The following BMPR1B variants were observed in gnomAD, a reference collection of about 807,000 sequenced individuals.
BMPR1B encodes bone morphogenetic protein receptor type-1B.
Under a neutral mutation model 59.1 loss-of-function variants are expected in BMPR1B, and 12 were observed. The observed-to-expected ratio is 0.20, with a 90% CI of 0.13 to 0.33. The LOEUF is 0.33. Ranked by LOEUF, BMPR1B falls within the 10% of genes least tolerant of loss-of-function variation. The pLI is 1.00. For missense variants in BMPR1B, 550 were observed against 610.9 expected, an observed-to-expected ratio of 0.90 and a Z score of 1.05; for synonymous variants, 237 against 207.3, an observed-to-expected ratio of 1.14 and a Z score of -1.23.
chr4:95,017,606 G>T (rs1723670386), intron 3 of BMPR1B, among the ~76,000 whole-genome samples: 1 of 152,136 alleles, frequency 6.6e-6, no homozygotes, highest in South Asian at 2.1e-4. Context: ...ATGAATCTTG[G>T]CACTTAGCAT....
At chr4:95,112,318 G>C (rs1236451853) in intron 4 of BMPR1B, among the ~76,000 whole-genome samples, 3 of 152,060 alleles carry the variant, frequency 2.0e-5, no homozygotes, top group Non-Finnish European at 2.9e-5. Context: ...ATGGCAACCA[G>C]GCAGCAGAAT....
chr4:94,765,350 A>G (rs1477945536), intron 1 of BMPR1B, among the ~76,000 whole-genome samples: 2 of 152,202 alleles, frequency 1.3e-5, no homozygotes, highest in Non-Finnish European at 2.9e-5. Context: ...ATGCATCAGT[A>G]ACCCCATCTA....
chr4:94,930,952 G>A (rs1729073597), intron 2 of BMPR1B, among the ~76,000 whole-genome samples: 1 of 151,738 alleles, frequency 6.6e-6, no homozygotes, highest in Admixed American at 6.6e-5. Context: ...AGTTTTATGA[G>A]GACTAAGAAA....
chr4:94,773,816 C>G (rs1560477921), intron 1 of BMPR1B, among the ~76,000 whole-genome samples: 1 of 149,662 alleles, frequency 6.7e-6, no homozygotes, highest in Non-Finnish European at 1.5e-5. Flanking sequence ...CAGGAAGTCT[C>G]TTTTAAAAAC....
intron 2 of BMPR1B, among the ~76,000 whole-genome samples, chr4:94,964,780 T>A (rs1401069794): frequency 6.6e-6 from 1 of 152,192 alleles, no homozygotes; most frequent in Non-Finnish European, 1.5e-5. Flanking sequence ...GGAAAACCAT[T>A]TAACCACTTG....
At chr4:95,067,005 A>T (rs1270563262) in intron 3 of BMPR1B, among the ~76,000 whole-genome samples, 1 of 152,188 alleles carries the variant, frequency 6.6e-6, no homozygotes, top group East Asian at 1.9e-4. Flanking sequence ...AGTTTATGCT[A>T]CAATATCAAG....
intron 3 of BMPR1B, among the ~76,000 whole-genome samples, chr4:95,031,260 GATGAA>G (rs1178938914): frequency 6.6e-6 from 1 of 152,132 alleles, no homozygotes; most frequent in African/African-American, 2.4e-5. Flanking sequence ...GAGCATATTT[GATGAA>G]ATTATGTGGA....
At chr4:95,083,058 AAAG>A (rs1280021145) in intron 3 of BMPR1B, among the ~76,000 whole-genome samples, 1 of 151,002 alleles carries the variant, frequency 6.6e-6, no homozygotes, top group African/African-American at 2.4e-5. Flanking sequence ...AAAAAAAAAA[AAAG>A]AATCATAATA....
chr4:94,858,348 A>G (rs745844579), intron 1 of BMPR1B, among the ~76,000 whole-genome samples: 28 of 152,226 alleles, frequency 1.8e-4, no homozygotes, highest in African/African-American at 5.8e-4. Context: ...TAGAAATGCA[A>G]TGCTTTTGTT....
chr4:95,045,427 G>A (rs774983061), intron 3 of BMPR1B, among the ~76,000 whole-genome samples: 2 of 152,062 alleles, frequency 1.3e-5, no homozygotes, highest in Non-Finnish European at 2.9e-5. Flanking sequence ...GGGCTACAAG[G>A]CTCTTCCTAA....
rs1209529763 is a variant in BMPR1B, at chr4:94,758,003, C to T, written c.-248C>T. 2 of 146,022 alleles carry T rather than the reference C, an allele frequency of 1.4e-5. No individual in the cohort carries two copies. Among genetic ancestry groups the T allele is most frequent in the South Asian group, 1.8e-4 (1 of 5,568 alleles). The allele number at this position is 146,022 out of a possible 1,614,324, so 9.0% of individuals were successfully genotyped here. The stretch of plus-strand genomic sequence containing the variant: ...GCGGGGCGCGGAGTCGGCGGGGCCT[C>T]GCGGGACGCCGGGCAGTGCGGAGAC... On this transcript the variant is annotated 5_prime_UTR_variant, in exon 1 of 13. Transcript: ENST00000515059.
At position 95,154,560 on chromosome 4, in the gene BMPR1B, A is replaced by T. The variant is rs778929099; in HGVS notation, c.1396A>T (p.Met466Leu). The stretch of plus-strand genomic sequence containing the variant: ...TTCTCTTCCTCAGTGTCTAAGGCAG[A>T]TGGGAAAACTCATGACAGAATGCTG... Reference protein sequence around the residue: ...RWSSDECLRQMGKLMTECWAH... With the variant: ...RWSSDECLRQLGKLMTECWAH... Residue 466 changes from methionine to leucine, a missense_variant, in exon 13 of 13, where the codon ATG becomes TTG. By Grantham distance (15) the Met-to-Leu change is conservative. This residue lies in a region of BMPR1B where 123 missense variants were observed against 164.6 expected (regional missense o/e 0.75). Coordinates refer to ENST00000515059, the MANE Select transcript of BMPR1B (RefSeq NM_001203.3). The T allele has an allele frequency of 1.8e-5, 29 of 1,614,014 alleles. No homozygotes were observed. The highest frequency in any genetic ancestry group is 5.0e-5 in the Admixed American group (3 of 60,002).
chr4:94,799,182 T>C (rs1429357892), intron 1 of BMPR1B, among the ~76,000 whole-genome samples: 15 of 149,480 alleles, frequency 1.0e-4, no homozygotes, highest in Admixed American at 8.1e-4. Flanking sequence ...GAACTTATTC[T>C]CTGTGTTGCT....
At chr4:94,980,862 G>T (rs1158243851) in intron 2 of BMPR1B, among the ~76,000 whole-genome samples, 1 of 152,136 alleles carries the variant, frequency 6.6e-6, no homozygotes, top group Non-Finnish European at 1.5e-5. Flanking sequence ...GGGCGTGGTG[G>T]TGCGGTCCTG....
chr4:94,847,176 T>C (rs1016339444), intron 1 of BMPR1B, among the ~76,000 whole-genome samples: 6 of 152,106 alleles, frequency 3.9e-5, no homozygotes, highest in African/African-American at 1.4e-4. Flanking sequence ...AACAGGTATA[T>C]AAAAAGGTGC....
chr4:94,992,477 C>G (rs896041416), intron 2 of BMPR1B, among the ~76,000 whole-genome samples: 2 of 152,312 alleles, frequency 1.3e-5, no homozygotes, highest in East Asian at 3.9e-4. Flanking sequence ...CACATGACTT[C>G]AGACAAGCCA....
At chr4:94,978,797 A>C (rs1731123226) in intron 2 of BMPR1B, among the ~76,000 whole-genome samples, 1 of 152,112 alleles carries the variant, frequency 6.6e-6, no homozygotes, top group Admixed American at 6.5e-5. Flanking sequence ...TAATAAAGAC[A>C]TACCTGAGAC....
chr4:94,971,922 T>G (rs1730806773), intron 2 of BMPR1B, among the ~76,000 whole-genome samples: 1 of 151,842 alleles, frequency 6.6e-6, no homozygotes, highest in African/African-American at 2.4e-5. Flanking sequence ...TTAAAAGTAA[T>G]GATGAGCCTC....
intron 1 of BMPR1B, among the ~76,000 whole-genome samples, chr4:94,821,269 A>G (rs529566633): frequency 3.4e-4 from 52 of 152,270 alleles, no homozygotes; most frequent in African/African-American, 1.2e-3. Flanking sequence ...CTAATTGAAA[A>G]CATGTATTTG....
Sources: gnomAD v4.1 joint callset for allele counts (sites outside exome capture counted in the v4.1 genomes callset) on GRCh38, gnomAD v4.1.1 for gene constraint, gnomAD v4.1.1 regional missense constraint, MANE v1.5 for transcripts, NCBI Gene and HGNC (gene_info 2026-07-23, HGNC 2026-07-21) for gene names.